Variants in MACROD2 observed in about 807,000 individuals in gnomAD.
The protein encoded by MACROD2 is mono-ADP ribosylhydrolase 2.
MACROD2 carries 36 observed loss-of-function variants against 70.4 expected under a neutral mutation model. The ratio of observed to expected loss-of-function variants is 0.51; its 90% CI spans 0.39 to 0.68. MACROD2 has a LOEUF of 0.68. Ranked by LOEUF, MACROD2 falls within the 30% of genes least tolerant of loss-of-function variation. The pLI, the probability that MACROD2 is intolerant of heterozygous loss-of-function variation, is 0.00. For synonymous variants in MACROD2, 172 were observed against 178.8 expected (o/e 0.96, Z 0.30); for missense variants, 496 against 538.4 (o/e 0.92, Z 0.78).
At chr20:15,538,479 G>A (rs975506119) in intron 8 of MACROD2, among the ~76,000 whole-genome samples, 1 of 152,156 alleles carries the variant, frequency 6.6e-6, no homozygotes, top group Non-Finnish European at 1.5e-5. Context: ...AGAACAAAAG[G>A]TGGAGAGCTC....
chr20:14,578,195 GTTTTC>G (rs1364016000), intron 4 of MACROD2, among the ~76,000 whole-genome samples: 1 of 151,068 alleles, frequency 6.6e-6, no homozygotes, highest in Non-Finnish European at 1.5e-5. Context: ...TCAATGGCAG[GTTTTC>G]TTTTCACAAA....
intron 2 of MACROD2, among the ~76,000 whole-genome samples, chr20:14,084,664 A>C (rs559872528): frequency 3.0e-4 from 45 of 152,204 alleles, no homozygotes; most frequent in African/African-American, 1.0e-3. Flanking sequence ...TTTTTGGCTT[A>C]TTTTAGATAT....
At chr20:14,346,536 C>A (rs953729604) in intron 3 of MACROD2, among the ~76,000 whole-genome samples, 4 of 152,192 alleles carry the variant, frequency 2.6e-5, no homozygotes, top group Non-Finnish European at 4.4e-5. Flanking sequence ...TGTATTCTAA[C>A]AAAAACATGG....
chr20:14,038,486 T>C (rs1216462410), intron 2 of MACROD2, among the ~76,000 whole-genome samples: 1 of 152,224 alleles, frequency 6.6e-6, no homozygotes, highest in Non-Finnish European at 1.5e-5. Flanking sequence ...GTCATACTGC[T>C]GTTGAGTGGC....
intron 3 of MACROD2, among the ~76,000 whole-genome samples, chr20:14,434,247 A>T (rs979690650): frequency 2.0e-5 from 3 of 152,218 alleles, no homozygotes; most frequent in Admixed American, 2.0e-4. Flanking sequence ...GCTACAGCGT[A>T]CCTTGTGGAA....
chr20:15,874,317 A>T (rs2064634997), intron 9 of MACROD2, among the ~76,000 whole-genome samples: 2 of 151,924 alleles, frequency 1.3e-5, no homozygotes, highest in Admixed American at 6.6e-5. Context: ...TCTATTATTG[A>T]TGGACATTTG....
intron 8 of MACROD2, among the ~76,000 whole-genome samples, chr20:15,561,114 G>A (rs1464358886): frequency 6.6e-6 from 1 of 152,188 alleles, no homozygotes; most frequent in Non-Finnish European, 1.5e-5. Flanking sequence ...CATGGAGGCA[G>A]TGAGTATTGT....
intron 3 of MACROD2, among the ~76,000 whole-genome samples, chr20:14,155,337 G>C (rs1269601357): frequency 6.6e-6 from 1 of 152,010 alleles, no homozygotes; most frequent in African/African-American, 2.4e-5. Context: ...AATTTCTTCC[G>C]AGATTTCTAC....
At chr20:15,375,663 A>G (rs908873666) in intron 6 of MACROD2, among the ~76,000 whole-genome samples, 1 of 152,114 alleles carries the variant, frequency 6.6e-6, no homozygotes, top group Non-Finnish European at 1.5e-5. Context: ...TTGTTTCTGT[A>G]TTTTGTTAAA....
intron 5 of MACROD2, among the ~76,000 whole-genome samples, chr20:14,707,953 G>T (rs2071289632): frequency 6.6e-6 from 1 of 152,062 alleles, no homozygotes; most frequent in Non-Finnish European, 1.5e-5. Context: ...TCTAGTGCTT[G>T]GTAATTCCCT....
intron 4 of MACROD2, among the ~76,000 whole-genome samples, chr20:14,550,554 C>T (rs1978585676): frequency 6.6e-6 from 1 of 152,114 alleles, no homozygotes; most frequent in Admixed American, 6.6e-5. Flanking sequence ...ACCAAATCTG[C>T]CAGTGCCTTG....
chr20:14,817,986 T>G (rs562154355), intron 5 of MACROD2, among the ~76,000 whole-genome samples: 1 of 152,248 alleles, frequency 6.6e-6, no homozygotes, highest in South Asian at 2.1e-4. Flanking sequence ...AGCTAAGTGC[T>G]CTAGGTGGGC....
chr20:15,741,388 T>C (rs2051104230), intron 8 of MACROD2, among the ~76,000 whole-genome samples: 2 of 151,922 alleles, frequency 1.3e-5, no homozygotes, highest in African/African-American at 4.8e-5. Flanking sequence ...CATGAGCCAC[T>C]GCGCCTGGCC....
intron 5 of MACROD2, among the ~76,000 whole-genome samples, chr20:15,201,385 C>T (rs964043339): frequency 1.3e-5 from 2 of 152,056 alleles, no homozygotes; most frequent in Admixed American, 1.3e-4. Context: ...TTCGCAGGAC[C>T]CAGGACAAGA....
chr20:14,002,796 G>A (rs1335227053), intron 2 of MACROD2, among the ~76,000 whole-genome samples: 1 of 152,090 alleles, frequency 6.6e-6, no homozygotes, highest in Non-Finnish European at 1.5e-5. Flanking sequence ...AGCTGAAAGA[G>A]AGAGTATATT....
chr20:15,917,583 T>C (rs939367797), intron 10 of MACROD2, among the ~76,000 whole-genome samples: 11 of 152,228 alleles, frequency 7.2e-5, no homozygotes, highest in African/African-American at 2.7e-4. Context: ...CTTTGGCTTT[T>C]ATGTCTTTGC....
At chr20:14,745,984 C>T (rs181215707) in intron 5 of MACROD2, among the ~76,000 whole-genome samples, 1 of 152,132 alleles carries the variant, frequency 6.6e-6, no homozygotes, top group Non-Finnish European at 1.5e-5. Context: ...AGTTTGAAGA[C>T]AACTTGGCCA....
intron 5 of MACROD2, among the ~76,000 whole-genome samples, chr20:14,708,720 C>A (rs536815677): frequency 6.6e-6 from 1 of 152,136 alleles, no homozygotes; most frequent in South Asian, 2.1e-4. Context: ...CACGTTCAAG[C>A]GATTCTCCTG....
intron 5 of MACROD2, among the ~76,000 whole-genome samples, chr20:14,995,620 A>G (rs2074942688): frequency 6.6e-6 from 1 of 152,188 alleles, no homozygotes; most frequent in East Asian, 1.9e-4. Flanking sequence ...ATACATGAAA[A>G]ATTCATATAC....
Sources: gnomAD v4.1 joint callset for allele counts (sites outside exome capture counted in the v4.1 genomes callset) on GRCh38, gnomAD v4.1.1 for gene constraint, MANE v1.5 for transcripts, NCBI Gene and HGNC (gene_info 2026-07-23, HGNC 2026-07-21) for gene names.